The following LAPTM4A variants were observed in gnomAD, a reference collection of about 807,000 sequenced individuals.
LAPTM4A encodes lysosomal-associated transmembrane protein 4A.
LAPTM4A carries 19 observed loss-of-function variants against 29.9 expected under a neutral mutation model. That is an observed-to-expected ratio of 0.64 (90% CI 0.44 to 0.93). The LOEUF (loss-of-function observed/expected upper bound fraction) is 0.93. LAPTM4A is among the 40% of genes least tolerant of loss of function. The pLI, the probability that LAPTM4A is intolerant of heterozygous loss-of-function variation, is 0.00. For missense variants in LAPTM4A, 293 were observed against 288.5 expected, an observed-to-expected ratio of 1.02 and a Z score of -0.11; for synonymous variants, 105 against 102.1, an observed-to-expected ratio of 1.03 and a Z score of -0.17.
intron 1 of LAPTM4A, among the ~76,000 whole-genome samples, chr2:20,047,184 TC>T (rs1301094047): frequency 1.3e-5 from 2 of 150,252 alleles, no homozygotes; most frequent in African/African-American, 4.9e-5. Context: ...GGTCAGGAGA[TC>T]GAGACAATCC....
intron 1 of LAPTM4A, among the ~76,000 whole-genome samples, chr2:20,049,883 G>A (rs1281567843): frequency 6.6e-6 from 1 of 152,136 alleles, no homozygotes; most frequent in Admixed American, 6.5e-5. Context: ...TTCATTTAGG[G>A]AAATAGAAGA....
chr2:20,033,338 T>G, intron 6 of LAPTM4A, 59 bp from the exon 7 acceptor site: 1 of 1,352,286 alleles, frequency 7.4e-7, no homozygotes, highest in Non-Finnish European at 1.1e-6. Flanking sequence ...CTTTGTGAGA[T>G]AATTCAGCTT....
At chr2:20,046,112 A>G (rs1001399219) in intron 1 of LAPTM4A, among the ~76,000 whole-genome samples, 2 of 152,198 alleles carry the variant, frequency 1.3e-5, no homozygotes, top group Non-Finnish European at 2.9e-5. Flanking sequence ...CAAACACCGC[A>G]TGTTCTCACT....
At chr2:20,039,195 G>A (rs1231284504) in intron 2 of LAPTM4A, among the ~76,000 whole-genome samples, 3 of 152,190 alleles carry the variant, frequency 2.0e-5, no homozygotes, top group Admixed American at 6.5e-5. Flanking sequence ...GGGATTACAG[G>A]CATGAGCCAC....
At chr2:20,035,783 G>C (rs1021626776) in intron 4 of LAPTM4A, among the ~76,000 whole-genome samples, 1 of 152,044 alleles carries the variant, frequency 6.6e-6, no homozygotes, top group Non-Finnish European at 1.5e-5. Context: ...AAACACCAGG[G>C]TCTCTAAAAG....
At chr2:20,039,057 C>T (rs1029323951) in intron 2 of LAPTM4A, among the ~76,000 whole-genome samples, 4 of 152,058 alleles carry the variant, frequency 2.6e-5, no homozygotes, top group Non-Finnish European at 5.9e-5. Context: ...GCTAGGATTG[C>T]AGGCCTGCGC....
chr2:20,046,558 G>A (rs1673923543), intron 1 of LAPTM4A, among the ~76,000 whole-genome samples: 1 of 151,144 alleles, frequency 6.6e-6, no homozygotes, highest in East Asian at 1.9e-4. Context: ...TGCGATCTAG[G>A]CTCACTGCAA....
intron 3 of LAPTM4A, 34 bp downstream of exon 3, chr2:20,037,504 C>T: frequency 6.2e-7 from 1 of 1,601,606 alleles, no homozygotes; most frequent in South Asian, 1.1e-5. Flanking sequence ...CCCCTAAGGT[C>T]AAACTCTAAA....
intron 6 of LAPTM4A, 23 bp downstream of exon 6, chr2:20,034,294 T>C (rs1268106915): frequency 1.3e-6 from 2 of 1,501,712 alleles, no homozygotes; most frequent in Non-Finnish European, 1.9e-6. Flanking sequence ...GGTGACCTTT[T>C]ACTCTATCCA....
intron 2 of LAPTM4A, among the ~76,000 whole-genome samples, chr2:20,038,460 C>T (rs1673726093): frequency 6.6e-6 from 1 of 152,160 alleles, no homozygotes; most frequent in Non-Finnish European, 1.5e-5. Context: ...GAGTCTTGCT[C>T]TGTCGCCCAG....
In LAPTM4A at chr2:20,051,566, C is replaced by T. The variant is rs1326686470; in HGVS notation, c.-46G>A. ...CTTGGCCGGGCCCCTGACAAACGTT[C>T]TCCACCCGCAGCCAAACTCAAACGG... On this transcript the variant is annotated 5_prime_UTR_variant, in exon 1 of 7. Transcript: ENST00000175091. The T allele has an allele frequency of 2.4e-6, 3 of 1,262,762 alleles. No homozygotes were observed. The highest frequency in any genetic ancestry group is 3.4e-6 in the Non-Finnish European group (3 of 892,882). The allele number at this position is 1,262,762 out of a possible 1,614,324, so 78.2% of individuals were successfully genotyped here. A position where few individuals can be genotyped will look rare whatever the true frequency, so the allele number is the denominator to read the frequency against.
At chr2:20,039,374 G>A (rs1404586220) in intron 2 of LAPTM4A, among the ~76,000 whole-genome samples, 1 of 152,214 alleles carries the variant, frequency 6.6e-6, no homozygotes, top group Non-Finnish European at 1.5e-5. Flanking sequence ...CCACTTAGAA[G>A]AATTCAGGTA....
Position 20,033,139 on chromosome 2 carries a change from G to T in LAPTM4A, c.*66C>A. 1 of 1,281,160 alleles carries T rather than the reference G, an allele frequency of 7.8e-7. No homozygotes were observed. Among genetic ancestry groups the T allele is most frequent in the Non-Finnish European group, 1.1e-6 (1 of 877,052 alleles). 79.4% of individuals were successfully genotyped at this position (1,281,160 alleles called of 1,614,324 possible). A position where few individuals can be genotyped will look rare whatever the true frequency, so the allele number is the denominator to read the frequency against. The stretch of plus-strand genomic sequence containing the variant: ...AAACAAGTTTGAAGAGCCCTGAATT[G>T]CAGCATTCTGTAACATAAACAAACA... On this transcript the variant is annotated 3_prime_UTR_variant, in exon 7 of 7. Coordinates refer to ENST00000175091, the MANE Select transcript of LAPTM4A (RefSeq NM_014713.5).
intron 1 of LAPTM4A, among the ~76,000 whole-genome samples, chr2:20,049,364 A>C (rs1487143076): frequency 2.0e-5 from 3 of 152,248 alleles, no homozygotes; most frequent in African/African-American, 7.2e-5. Flanking sequence ...GTCTATGCAA[A>C]GTAAGAACAG....
chr2:20,035,118 A>C, intron 4 of LAPTM4A, 56 bp from the exon 5 acceptor site: 1 of 1,185,218 alleles, frequency 8.4e-7, no homozygotes. Flanking sequence ...GCACTTGCTG[A>C]TAACCTGAAG....
chr2:20,037,755 A>T, intron 2 of LAPTM4A, 141 bp from the exon 3 acceptor site: 1 of 424,236 alleles, frequency 2.4e-6, no homozygotes, highest in Middle Eastern at 6.6e-4. Context: ...AGAGGGTAAA[A>T]AAAAAAAAAA....
chr2:20,034,901 C>T, intron 5 of LAPTM4A, 66 bp downstream of exon 5: 1 of 1,143,842 alleles, frequency 8.7e-7, no homozygotes, highest in Admixed American at 1.9e-5. Context: ...AGGTGAAAGG[C>T]AGCAAAAAGG....
chr2:20,049,330 A>G (rs998797273), intron 1 of LAPTM4A, among the ~76,000 whole-genome samples: 2 of 152,230 alleles, frequency 1.3e-5, no homozygotes, highest in African/African-American at 4.8e-5. Flanking sequence ...GTTTACAATA[A>G]AATGTTTTAC....
chr2:20,033,220 A>T lies in LAPTM4A; in HGVS notation c.687T>A (p.Pro229=). The change falls in exon 7 of 7, where the codon CCT becomes CCA. Residue 229 remains proline, a synonymous_variant. Transcript: ENST00000175091. ...VKMPEKEPPP[P]YLPA ...CAGAATTTCTTCAGGCAGGTAAGTAAGGAGGTGGTGGTTCTTTTTCAGGCA... is the reference window on the plus strand; with the variant it reads ...CAGAATTTCTTCAGGCAGGTAAGTATGGAGGTGGTGGTTCTTTTTCAGGCA... The T allele has an allele frequency of 6.2e-7, 1 of 1,614,052 alleles. No individual in the cohort carries two copies.
Sources: allele counts gnomAD v4.1 joint callset (sites outside exome capture counted in the v4.1 genomes callset), GRCh38; gene constraint gnomAD v4.1.1; transcripts MANE v1.5; gene names NCBI Gene and HGNC (gene_info 2026-07-23, HGNC 2026-07-21).